The following PHLDB1 variants were observed in gnomAD, a reference collection of about 807,000 sequenced individuals.
The protein encoded by PHLDB1 is pleckstrin homology-like domain family B member 1.
In PHLDB1, 65 loss-of-function variants were observed where a neutral mutation model predicts 139.3. The ratio of observed to expected loss-of-function variants is 0.47; its 90% CI spans 0.38 to 0.57. PHLDB1 has a LOEUF of 0.57. Among genes scored for constraint, PHLDB1 ranks in the 20% least tolerant of loss-of-function variants. The pLI is 0.00. For synonymous variants in PHLDB1, 679 were observed against 734.5 expected, an observed-to-expected ratio of 0.92 and a Z score of 1.22; for missense variants, 1,624 against 1,839.7, an observed-to-expected ratio of 0.88 and a Z score of 2.14.
At chr11:118,648,981 G>A (rs1417949296) in intron 18 of PHLDB1, among the ~76,000 whole-genome samples, 1 of 152,044 alleles carries the variant, frequency 6.6e-6, no homozygotes, top group East Asian at 1.9e-4. Context: ...ATTGGGTTTG[G>A]GAAATAATGA....
rs1947291221 is a variant in PHLDB1, at chr11:118,645,241, C to T, written c.3122-115C>T. 1 of 708,790 alleles carries T rather than the reference C, an allele frequency of 1.4e-6. No homozygotes were observed. The highest frequency in any genetic ancestry group is 2.2e-6 in the Non-Finnish European group (1 of 454,066). The allele number at this position is 708,790 out of a possible 1,614,324, so 43.9% of individuals were successfully genotyped here. ...TTAGGGAAGCTGCGGGGAGAGGGGGCTGCTCTGTGTTAACCTCTCCCTGCT... is the reference window on the plus strand; with the variant it reads ...TTAGGGAAGCTGCGGGGAGAGGGGGTTGCTCTGTGTTAACCTCTCCCTGCT... On this transcript the variant is annotated intron_variant, in intron 15 of 22. Coordinates refer to ENST00000600882, the MANE Select transcript of PHLDB1 (RefSeq NM_001144758.3). The surrounding 1 kb of genome is among the most constrained non-coding windows in gnomAD (Gnocchi z 5.1).
At position 118,608,259 on chromosome 11, in the gene PHLDB1, G is replaced by A. The variant is rs1555080510; in HGVS notation, c.-22+560G>A. Among the ~76,000 whole-genome samples the A allele has an allele frequency of 6.6e-6, 1 of 152,088 alleles. No homozygotes were observed. The highest frequency in any genetic ancestry group is 2.4e-5 in the African/African-American group (1 of 41,432). On this transcript the variant is annotated intron_variant, in intron 1 of 22. Coordinates refer to ENST00000600882, the MANE Select transcript of PHLDB1 (RefSeq NM_001144758.3). The surrounding 1 kb of genome is among the most constrained non-coding windows in gnomAD (Gnocchi z 6.7). Reference sequence around the variant, plus strand: ...GGCTGCCTGGGGGTGTCCAGGAGATGGGAAGCCCGCCTGGGGCCTCCCAGG... The same window carrying A: ...GGCTGCCTGGGGGTGTCCAGGAGATAGGAAGCCCGCCTGGGGCCTCCCAGG...
rs1944962513 is a variant in PHLDB1, at chr11:118,632,491, T to C, written c.2379+195T>C. The C allele has an allele frequency of 1.6e-6, 1 of 641,232 alleles. No homozygotes were observed. The highest frequency in any genetic ancestry group is 1.8e-5 in the African/African-American group (1 of 54,658). The allele number at this position is 641,232 out of a possible 1,614,324, so 39.7% of individuals were successfully genotyped here. A position where few individuals can be genotyped will look rare whatever the true frequency, so the allele number is the denominator to read the frequency against. ...CAGCTTGGAGGGCACTGCCAGGGGC[T>C]GGGCTGGTGTCTGGGGTCTCCTCTG... On this transcript the variant is annotated intron_variant, in intron 9 of 22. Coordinates refer to ENST00000600882, the MANE Select transcript of PHLDB1 (RefSeq NM_001144758.3). This position sits in a 1 kb window ranked among gnomAD's most constrained non-coding sequence, Gnocchi z 5.9.
chr11:118,632,883 C>T lies in PHLDB1; in HGVS notation c.2379+587C>T. 1.0e-6 allele frequency: 1 copy of T among 973,910 alleles called. No individual in the cohort carries two copies. Among genetic ancestry groups the T allele is most frequent in the Non-Finnish European group, 1.2e-6 (1 of 819,464 alleles). 60.3% of individuals were successfully genotyped at this position (973,910 alleles called of 1,614,324 possible). A position where few individuals can be genotyped will look rare whatever the true frequency, so the allele number is the denominator to read the frequency against. On this transcript the variant is annotated intron_variant, in intron 9 of 22. Coordinates refer to ENST00000600882, the MANE Select transcript of PHLDB1 (RefSeq NM_001144758.3). The surrounding 1 kb of genome is among the most constrained non-coding windows in gnomAD (Gnocchi z 5.9). Reference sequence around the variant, plus strand: ...AAGCTCTGAAGTGGAGAGGGGTCATCTATTTCTGGATCTGACAGTATTTTT... The same window carrying T: ...AAGCTCTGAAGTGGAGAGGGGTCATTTATTTCTGGATCTGACAGTATTTTT...
rs782535211 is a variant in PHLDB1, at chr11:118,631,951, G to A, written c.2139G>A (p.Val713=). ...CTAGCACCAAGCTCCAGGGAGAGGT[G>A]CTAGCCCTGGAAGAAGAGCGGGCTC... ...DAPSTKLQGE[V]LALEEERAQV... The change falls in exon 8 of 23, where the codon GTG becomes GTA. Residue 713 remains valine, a synonymous_variant. Coordinates refer to ENST00000600882, the MANE Select transcript of PHLDB1 (RefSeq NM_001144758.3). The A allele has an allele frequency of 6.2e-7, 1 of 1,613,920 alleles. No homozygotes were observed. Among genetic ancestry groups the A allele is most frequent in the Admixed American group, 1.7e-5 (1 of 60,008 alleles).
rs1948180096 is a variant in PHLDB1, at chr11:118,650,395, G to C, written c.3772-50G>C. The C allele has an allele frequency of 7.8e-7, 1 of 1,289,026 alleles. No individual in the cohort carries two copies. The highest frequency in any genetic ancestry group is 1.2e-5 in the South Asian group (1 of 84,622). 79.8% of individuals were successfully genotyped at this position (1,289,026 alleles called of 1,614,324 possible). On this transcript the variant is annotated intron_variant, in intron 19 of 22. Coordinates refer to ENST00000600882, the MANE Select transcript of PHLDB1 (RefSeq NM_001144758.3). The surrounding 1 kb of genome is among the most constrained non-coding windows in gnomAD (Gnocchi z 4.7). Reference sequence around the variant, plus strand: ...GGCACAGGCGATGGCACACACTTAAGGCTTAAGGGCTGCATATTTGGGTCC... The same window carrying C: ...GGCACAGGCGATGGCACACACTTAACGCTTAAGGGCTGCATATTTGGGTCC...
At position 118,648,018 on chromosome 11, in the gene PHLDB1, C is replaced by T. The variant is rs781830513; in HGVS notation, c.3596C>T (p.Ala1199Val). 1.9e-6 allele frequency: 3 copies of T among 1,612,414 alleles called. No individual in the cohort carries two copies. Among genetic ancestry groups the T allele is most frequent in the African/African-American group, 2.7e-5 (2 of 74,980 alleles). The change falls in exon 18 of 23, where the codon GCC becomes GTC. Residue 1199 changes from alanine (A) to valine (V), a missense_variant. By Grantham distance (64) the Ala-to-Val change is moderately conservative (BLOSUM62 0). Coordinates refer to ENST00000600882, the MANE Select transcript of PHLDB1 (RefSeq NM_001144758.3). ...GAACGGAGGCTGCAGAGTGAGAGTG[C>T]CCGGAGGCAGCAGCTGGTCGAGAAG... is the stretch of plus-strand genomic sequence containing the variant. ...QVERRLQSES[A>V]RRQQLVEKEV...
chr11:118,641,756 C>T (rs1555120924), intron 12 of PHLDB1: 18 of 1,289,838 alleles, frequency 1.4e-5, no homozygotes, highest in East Asian at 5.5e-5. Context: ...CCCTCCTCCT[C>T]GTTCGCTTCC....
chr11:118,643,710 C>T (rs908595698), intron 13 of PHLDB1, 90 bp from the exon 14 acceptor site: 23 of 1,603,030 alleles, frequency 1.4e-5, no homozygotes, highest in Admixed American at 1.2e-4. Context: ...AGTGCCAGGG[C>T]GGTACGTCAG....
chr11:118,615,891 C>G (rs1941536512), intron 3 of PHLDB1, 150 bp from the exon 4 acceptor site: 2 of 646,756 alleles, frequency 3.1e-6, no homozygotes, highest in African/African-American at 3.6e-5. Flanking sequence ...ATAGACCAGG[C>G]TCAGGGGCCT....
In PHLDB1 at chr11:118,643,874, C is replaced by G. The variant is rs1555123861; in HGVS notation, c.2952C>G (p.Ser984=). ...PRTRSGPLPS[S]SGSSSSSSQL... ...CCCGCAGCGGCCCCCTCCCCTCCTC[C>G]TCTGGCTCTTCCTCCTCCTCCTCCC... The change falls in exon 14 of 23, where the codon TCC becomes TCG. Residue 984 remains serine (S), a synonymous_variant. Transcript: ENST00000600882. 2 of 1,612,956 alleles carry G rather than the reference C, an allele frequency of 1.2e-6. No individual in the cohort carries two copies. The highest frequency in any genetic ancestry group is 1.7e-6 in the Non-Finnish European group (2 of 1,179,402).
In PHLDB1 at chr11:118,608,643, C is replaced by A. The variant is rs1379574841; in HGVS notation, c.-22+944C>A. Among the ~76,000 whole-genome samples the A allele has an allele frequency of 1.7e-4, 26 of 152,160 alleles. No individual in the cohort carries two copies. The highest frequency in any genetic ancestry group is 2.9e-5 in the Non-Finnish European group (2 of 67,992). ...ACTCATCGGGCGGCGGGCTCACCCC[C>A]CAGCCGTCAAACGCAAACGCAGGCG... On this transcript the variant is annotated intron_variant, in intron 1 of 22. Transcript: ENST00000600882. The surrounding 1 kb of genome is among the most constrained non-coding windows in gnomAD (Gnocchi z 6.7).
chr11:118,606,782 T>G (rs1939320613), upstream of PHLDB1: 1 of 152,260 alleles, frequency 6.6e-6, no homozygotes, highest in Non-Finnish European at 1.5e-5. Context: ...CCTCCTTCTC[T>G]TCCTTATTAA....
chr11:118,629,791 C>A (rs1279011471), intron 6 of PHLDB1, among the ~76,000 whole-genome samples: 2 of 152,144 alleles, frequency 1.3e-5, no homozygotes, highest in East Asian at 3.9e-4. Flanking sequence ...GGGCAGTGAG[C>A]CTGGCACAGG....
chr11:118,645,349 C>T lies in PHLDB1; in HGVS notation c.3122-7C>T. ...CCCACTGTGACTCCCATCTGTCTCT[C>T]CTTCAGGACAACAAGTGATTGAAGA... On this transcript the variant is annotated splice_region_variant and splice_polypyrimidine_tract_variant and intron_variant, in intron 15 of 22. Coordinates refer to ENST00000600882, the MANE Select transcript of PHLDB1 (RefSeq NM_001144758.3). This position sits in a 1 kb window ranked among gnomAD's most constrained non-coding sequence, Gnocchi z 5.1. 2 of 1,511,390 alleles carry T rather than the reference C, an allele frequency of 1.3e-6. No homozygotes were observed. Among genetic ancestry groups the T allele is most frequent in the Non-Finnish European group, 1.8e-6 (2 of 1,129,478 alleles). The allele number at this position is 1,511,390 out of a possible 1,614,324, so 93.6% of individuals were successfully genotyped here. A position where few individuals can be genotyped will look rare whatever the true frequency, so the allele number is the denominator to read the frequency against.
chr11:118,643,631 G>A (rs1322242839), intron 13 of PHLDB1, 169 bp from the exon 14 acceptor site: 1 of 985,300 alleles, frequency 1.0e-6, no homozygotes, highest in Non-Finnish European at 1.2e-6. Flanking sequence ...ATTGGCAGCT[G>A]CCAATAGCAT....
intron 6 of PHLDB1, among the ~76,000 whole-genome samples, chr11:118,630,637 C>T (rs1944645074): frequency 1.3e-5 from 2 of 152,104 alleles, no homozygotes; most frequent in African/African-American, 2.4e-5. Context: ...CATCAGTGTG[C>T]ATTTGTGCAT....
rs970025191 is a variant in PHLDB1 at position 118,610,726 on chromosome 11, A to G, written c.-22+3027A>G. On this transcript the variant is annotated intron_variant, in intron 1 of 22. Transcript: ENST00000600882. This position sits in a 1 kb window ranked among gnomAD's most constrained non-coding sequence, Gnocchi z 8.7. ...CTTCAGGCGGGGGCCAAGACCCCCG[A>G]GAGTTCACTCTGGGTGCTCCACTCG... is the stretch of plus-strand genomic sequence containing the variant. Among the ~76,000 whole-genome samples the G allele has an allele frequency of 6.6e-6, 1 of 151,924 alleles. No individual in the cohort carries two copies. The highest frequency in any genetic ancestry group is 1.5e-5 in the Non-Finnish European group (1 of 67,966).
intron 15 of PHLDB1, chr11:118,644,994 C>T (rs1555125667): frequency 3.2e-6 from 1 of 316,242 alleles, no homozygotes; most frequent in Non-Finnish European, 5.9e-6. Flanking sequence ...CCTTCTCCAG[C>T]AGGCAGGGTG....
Sources: allele counts gnomAD v4.1 joint callset (sites outside exome capture counted in the v4.1 genomes callset), GRCh38; gene constraint gnomAD v4.1.1; non-coding constraint Gnocchi (gnomAD v3.1); transcripts MANE v1.5; gene names NCBI Gene and HGNC (gene_info 2026-07-23, HGNC 2026-07-21).